ERG: variants seen among roughly 807,000 people sequenced by gnomAD.
ERG encodes ETS transcription factor ERG.
In ERG, 9 loss-of-function variants were observed where a neutral mutation model predicts 55.3. The ratio of observed to expected loss-of-function variants is 0.16; its 90% confidence interval spans 0.10 to 0.28. The LOEUF (loss-of-function observed/expected upper bound fraction) is 0.28. Among genes scored for constraint, ERG ranks in the 10% least tolerant of loss-of-function variants. The probability of loss-of-function intolerance (pLI) is 1.00; values close to 1 mark genes in which losing one functional copy is unlikely to be tolerated. For synonymous variants in ERG, 223 were observed against 237.3 expected, an observed-to-expected ratio of 0.94 and a Z score of 0.55; for missense variants, 434 against 631.6, an observed-to-expected ratio of 0.69 and a Z score of 3.35.
intron 1 of ERG, among the ~76,000 whole-genome samples, chr21:38,469,731 A>G (rs1359560973): frequency 6.6e-6 from 1 of 152,234 alleles, no homozygotes; most frequent in Non-Finnish European, 1.5e-5. Flanking sequence ...TTGGAAAAGT[A>G]ACAAATTCAC....
chr21:38,504,478 C>T (rs1322673597), intron 2 of ERG, among the ~76,000 whole-genome samples: 1 of 152,196 alleles, frequency 6.6e-6, no homozygotes, highest in African/African-American at 2.4e-5. Context: ...ATTATTTTGT[C>T]ACCATTATTT....
At chr21:38,402,227 T>C (rs1988529759) in intron 5 of ERG, among the ~76,000 whole-genome samples, 2 of 152,030 alleles carry the variant, frequency 1.3e-5, no homozygotes, top group South Asian at 4.1e-4. Context: ...GTCTACAGAG[T>C]CAGCACAGCG....
At chr21:38,414,320 A>T (rs1173996015) in intron 3 of ERG, among the ~76,000 whole-genome samples, 1 of 152,174 alleles carries the variant, frequency 6.6e-6, no homozygotes, top group Non-Finnish European at 1.5e-5. Context: ...ACCTCATCTT[A>T]ACTTGATTAA....
At chr21:38,453,781 G>A (rs2058962602) in intron 1 of ERG, among the ~76,000 whole-genome samples, 1 of 151,674 alleles carries the variant, frequency 6.6e-6, no homozygotes, top group Admixed American at 6.6e-5. Context: ...CTACTCAGGA[G>A]GCTGAGACAA....
At chr21:38,610,081 A>G (rs1264156780) in intron 1 of ERG, among the ~76,000 whole-genome samples, 5 of 152,206 alleles carry the variant, frequency 3.3e-5, no homozygotes, top group African/African-American at 1.2e-4. Context: ...CCACAAGGGA[A>G]GGATGGAGGG....
At chr21:38,550,308 G>GTAA (rs1304356152) in intron 2 of ERG, among the ~76,000 whole-genome samples, 1 of 152,152 alleles carries the variant, frequency 6.6e-6, no homozygotes, top group East Asian at 1.9e-4. Flanking sequence ...GGGTCCTGGA[G>GTAA]TAATAGATGG....
intron 1 of ERG, among the ~76,000 whole-genome samples, chr21:38,602,691 GT>G (rs2060171616): frequency 6.6e-6 from 1 of 151,918 alleles, no homozygotes; most frequent in Non-Finnish European, 1.5e-5. Context: ...ACATTCATTT[GT>G]GGGCTTTGTG....
At chr21:38,528,432 A>AATTTTTT (rs1568885342) in intron 2 of ERG, among the ~76,000 whole-genome samples, 1 of 34,600 alleles carries the variant, frequency 2.9e-5, no homozygotes, top group Admixed American at 3.8e-4. Flanking sequence ...GCCATAGCAA[A>AATTTTTT]CTTTTTTTTT....
intron 1 of ERG, among the ~76,000 whole-genome samples, chr21:38,601,043 C>T (rs1484662560): frequency 6.6e-6 from 1 of 152,206 alleles, no homozygotes; most frequent in African/African-American, 2.4e-5. Context: ...AAACACCACC[C>T]AGGGTTATCA....
intron 2 of ERG, among the ~76,000 whole-genome samples, chr21:38,510,914 C>T (rs192833676): frequency 3.0e-4 from 46 of 152,282 alleles, no homozygotes; most frequent in African/African-American, 9.9e-4. Context: ...GTGATCATCA[C>T]CTTTAACAAA....
intron 1 of ERG, among the ~76,000 whole-genome samples, chr21:38,630,694 C>T (rs2060351541): frequency 6.6e-6 from 1 of 152,230 alleles, no homozygotes; most frequent in Non-Finnish European, 1.5e-5. Context: ...ACCAATCCTG[C>T]ATAAGTTGAA....
At chr21:38,647,339 T>G (rs1054656213) in intron 1 of ERG, among the ~76,000 whole-genome samples, 4 of 152,162 alleles carry the variant, frequency 2.6e-5, no homozygotes, top group Non-Finnish European at 1.5e-5. Flanking sequence ...CTTTGCAAAG[T>G]CAAGTATTGG....
chr21:38,437,280 A>G (rs565065549), intron 2 of ERG, among the ~76,000 whole-genome samples: 12 of 148,036 alleles, frequency 8.1e-5, no homozygotes, highest in Middle Eastern at 3.5e-3. Context: ...TTCCTGCAGC[A>G]TTTGTCAACT....
intron 1 of ERG, among the ~76,000 whole-genome samples, chr21:38,655,394 A>C (rs2060512744): frequency 6.6e-6 from 1 of 152,116 alleles, no homozygotes; most frequent in African/African-American, 2.4e-5. Flanking sequence ...CCTGTGCCTA[A>C]GCTTCCCAAT....
In ERG at chr21:38,629,795, T is replaced by C. The variant is rs183792732; in HGVS notation, c.-150+31863A>G. ...CAAAAGCAGGAATTCACACAGATAC[T>C]TGTACATCAATGTTCATAACAGTAT... On this transcript the variant is annotated intron_variant, in intron 1 of 10. Coordinates refer to the ERG transcript ENST00000398910. 6.3e-3 allele frequency among the ~76,000 whole-genome samples: 961 copies of C among 152,298 alleles called. 9 individuals are homozygous for C. Among genetic ancestry groups the C allele is most frequent in the African/African-American group, 0.021 (877 of 41,546 alleles).
chr21:38,621,394 C>T (rs770439990), intron 1 of ERG, among the ~76,000 whole-genome samples: 2 of 152,140 alleles, frequency 1.3e-5, no homozygotes, highest in Non-Finnish European at 2.9e-5. Context: ...AAAGTGTGTC[C>T]GTTCCAGGTG....
chr21:38,576,756 G>A (rs1243241713), intron 1 of ERG, among the ~76,000 whole-genome samples: 1 of 152,074 alleles, frequency 6.6e-6, no homozygotes, highest in Non-Finnish European at 1.5e-5. Flanking sequence ...CTGGAGAGCA[G>A]GGGTGAGAGG....
At position 38,445,432 on chromosome 21, in the gene ERG, A is replaced by G. The variant is rs1487156770; in HGVS notation, c.208T>C (p.Cys70Arg). Residue 70 changes from cysteine to arginine, a missense_variant, in exon 2 of 10, where the codon TGT becomes CGT. This residue lies in a region of ERG where 212 missense variants were observed against 262.9 expected (regional missense o/e 0.81). Coordinates refer to ENST00000288319, the MANE Select transcript of ERG (RefSeq NM_182918.4). Reference sequence around the variant, plus strand: ...GAGCCATTCACCTGGCTAGGGTTACATTCCATTTTGATGGTGACCCTGGCT... The same window carrying G: ...GAGCCATTCACCTGGCTAGGGTTACGTTCCATTTTGATGGTGACCCTGGCT... ...PPARVTIKME[C>R]NPSQVNGSRN... 2.0e-5 allele frequency: 32 copies of G among 1,614,010 alleles called. No homozygotes were observed. Among genetic ancestry groups the G allele is most frequent in the Non-Finnish European group, 2.5e-5 (30 of 1,179,986 alleles).
intron 6 of ERG, among the ~76,000 whole-genome samples, chr21:38,399,217 T>C (rs1178978029): frequency 6.6e-6 from 1 of 152,204 alleles, no homozygotes; most frequent in Non-Finnish European, 1.5e-5. Flanking sequence ...CTTTCCATCA[T>C]GCTTCCCAGG....
Sources: gnomAD v4.1 joint callset for allele counts (sites outside exome capture counted in the v4.1 genomes callset) on GRCh38, gnomAD v4.1.1 for gene constraint, gnomAD v4.1.1 regional missense constraint, MANE v1.5 for transcripts, NCBI Gene and HGNC (gene_info 2026-07-23, HGNC 2026-07-21) for gene names.